LPIN1: variants seen among roughly 807,000 people sequenced by gnomAD.
LPIN1 encodes the protein phosphatidate phosphatase LPIN1.
A neutral mutation model predicts 107.5 loss-of-function variants in LPIN1; 71 were observed. That is an observed-to-expected ratio of 0.66 (90% CI 0.55 to 0.80). The LOEUF (loss-of-function observed/expected upper bound fraction) is 0.80, where lower values mean the gene tolerates loss of function less well. Among genes scored for constraint, LPIN1 ranks in the 30% least tolerant of loss-of-function variants. The pLI, the probability that LPIN1 is intolerant of heterozygous loss-of-function variation, is 0.00. For missense variants in LPIN1, 1,043 were observed against 1,160.6 expected (o/e 0.90, Z 1.47); for synonymous variants, 445 against 452.6 (o/e 0.98, Z 0.21).
intron 1 of LPIN1, among the ~76,000 whole-genome samples, chr2:11,704,706 G>A (rs1663041350): frequency 6.6e-6 from 1 of 152,166 alleles, no homozygotes; most frequent in Non-Finnish European, 1.5e-5. Context: ...CAAGACAAGG[G>A]GGTAAATGTC....
rs545089627 is a variant in LPIN1, at chr2:11,821,372, C to T, written c.2621+858C>T. Among the ~76,000 whole-genome samples, 5 of 152,294 alleles carry T rather than the reference C, an allele frequency of 3.3e-5. No individual in the cohort carries two copies. The East Asian group carries it at 9.6e-4, about 29-fold the overall frequency. On this transcript the variant is annotated intron_variant, in intron 20 of 20. Transcript: ENST00000674199. ...TCTCTCCTAAAAATAGAAAAATTAG[C>T]CAGGTGTGGTGGTGCATGCCTGTAA...
At position 11,771,437 on chromosome 2, in the gene LPIN1, C is replaced by A; in HGVS notation, c.354C>A (p.Cys118Ter). 6.2e-7 allele frequency: 1 copy of A among 1,614,220 alleles called. No individual in the cohort carries two copies. The highest frequency in any genetic ancestry group is 8.5e-7 in the Non-Finnish European group (1 of 1,180,046). ...ILSEGASRME[C>*]QLKRGSVDRM... ...CAGAAGGAGCTTCGAGAATGGAATG[C>A]CAGCTGAAAAGGGGCTCTGTGGACA... Residue 118 changes from cysteine (C) to a stop codon, truncating the protein, a stop_gained, in exon 4 of 21, where the codon TGC becomes TGA. Transcript: ENST00000674199. LOFTEE classifies it high-confidence loss of function. The surrounding 1 kb of genome is among the most constrained non-coding windows in gnomAD (Gnocchi z 4.8).
At chr2:11,699,895 T>A (rs530081398) in intron 1 of LPIN1, among the ~76,000 whole-genome samples, 2 of 152,138 alleles carry the variant, frequency 1.3e-5, no homozygotes, top group Admixed American at 6.5e-5. Context: ...CTGTGTGGCT[T>A]TGGGAAAATT....
intron 6 of LPIN1, among the ~76,000 whole-genome samples, chr2:11,776,723 C>A (rs557935694): frequency 1.7e-3 from 258 of 152,298 alleles, no homozygotes; most frequent in African/African-American, 5.9e-3. Flanking sequence ...ATGGCCTGGG[C>A]TGGGTCTCAG....
At chr2:11,743,574 G>A (rs1666582349), upstream of LPIN1, among the ~76,000 whole-genome samples, 1 of 152,124 alleles carries the variant, frequency 6.6e-6, no homozygotes, top group Non-Finnish European at 1.5e-5. The surrounding 1 kb of genome is among the most constrained non-coding windows in gnomAD (Gnocchi z 4.7). Flanking sequence ...ACCTCGTGAG[G>A]GGCCCCCAAC....
At chr2:11,700,748 CAG>C (rs879495521) in intron 1 of LPIN1, among the ~76,000 whole-genome samples, 1 of 152,170 alleles carries the variant, frequency 6.6e-6, no homozygotes, top group Admixed American at 6.5e-5. Context: ...TCCCCCTGGG[CAG>C]AGAGAGAGGC....
At chr2:11,812,515 G>A (rs899166617) in intron 17 of LPIN1, among the ~76,000 whole-genome samples, 16 of 152,154 alleles carry the variant, frequency 1.1e-4, no homozygotes, top group Admixed American at 2.0e-4. Flanking sequence ...GAGGGTACAA[G>A]CAGTCCCTGC....
rs745398954 is a variant in LPIN1 at position 11,804,496 on chromosome 2, G to T, written c.2087G>T (p.Arg696Leu). 1.9e-6 allele frequency: 3 copies of T among 1,614,102 alleles called. 1 individual carries two copies. Among genetic ancestry groups the T allele is most frequent in the Non-Finnish European group, 2.5e-6 (3 of 1,179,970 alleles). ...SVTTQYQGTCRCEGTIYLWNW... is the reference protein window; with the variant it reads ...SVTTQYQGTCLCEGTIYLWNW... ...ACCACGCAGTACCAAGGCACGTGCCGCTGTGAGGGCACCATCTATCTGTGG... is the reference window on the plus strand; with the variant it reads ...ACCACGCAGTACCAAGGCACGTGCCTCTGTGAGGGCACCATCTATCTGTGG... The change falls in exon 16 of 21, where the codon CGC becomes CTC. Residue 696 changes from arginine (R) to leucine (L), a missense_variant. Arg to Leu is a moderately radical substitution (Grantham distance 102). Transcript: ENST00000674199.
chr2:11,750,188 A>T lies in LPIN1; in HGVS notation c.-10+3517A>T, dbSNP rs564771993. ...TTTGATGAAGTCGTCCTCCGCGTTC[A>T]TGGATCTCACTAGGCTGTAGGTCTT... On this transcript the variant is annotated intron_variant, in intron 1 of 20. Coordinates refer to ENST00000674199, the MANE Select transcript of LPIN1 (RefSeq NM_001349206.2). 2.0e-5 allele frequency among the ~76,000 whole-genome samples: 3 copies of T among 152,076 alleles called. No individual in the cohort carries two copies. The South Asian group carries it at 6.2e-4, about 32-fold the overall frequency.
At chr2:11,782,565 A>G in intron 8 of LPIN1, 58 bp downstream of exon 8, 1 of 1,595,212 alleles carries the variant, frequency 6.3e-7, no homozygotes. Context: ...CTCACTCTAC[A>G]CATGACAGGT....
intron 1 of LPIN1, among the ~76,000 whole-genome samples, chr2:11,750,343 C>A (rs776299676): frequency 2.0e-5 from 3 of 152,206 alleles, no homozygotes; most frequent in Non-Finnish European, 4.4e-5. Flanking sequence ...CAGAATGCCA[C>A]CAGTCTCGGG....
intron 1 of LPIN1, among the ~76,000 whole-genome samples, chr2:11,704,087 C>G (rs1449497506): frequency 6.6e-6 from 1 of 152,224 alleles, no homozygotes; most frequent in African/African-American, 2.4e-5. Context: ...GACCTCTTAC[C>G]TGGTAGCTGG....
chr2:11,746,880 G>C (rs1667029352), intron 1 of LPIN1, among the ~76,000 whole-genome samples: 1 of 152,174 alleles, frequency 6.6e-6, no homozygotes, highest in Admixed American at 6.5e-5. Context: ...AGGCCCCGGA[G>C]GCCGGGAGGG....
At chr2:11,790,858 A>G (rs1170646684) in intron 12 of LPIN1, among the ~76,000 whole-genome samples, 1 of 151,726 alleles carries the variant, frequency 6.6e-6, no homozygotes, top group Non-Finnish European at 1.5e-5. Context: ...TCTACTTACT[A>G]CTCTTCTGCC....
chr2:11,699,938 T>TA (rs543512076), intron 1 of LPIN1, among the ~76,000 whole-genome samples: 2,798 of 149,164 alleles, frequency 0.019, 35 homozygotes, highest in Middle Eastern at 0.083. Context: ...TTTCTTCAAT[T>TA]AAAAAAAAAA....
intron 1 of LPIN1, among the ~76,000 whole-genome samples, chr2:11,761,828 A>G (rs1669880451): frequency 6.6e-6 from 1 of 152,190 alleles, no homozygotes; most frequent in African/African-American, 2.4e-5. Flanking sequence ...ATAAAAGAAC[A>G]AACAAACCAT....
intron 3 of LPIN1, among the ~76,000 whole-genome samples, chr2:11,768,304 A>G (rs1050853638): frequency 2.6e-5 from 4 of 152,212 alleles, no homozygotes; most frequent in Non-Finnish European, 4.4e-5. Context: ...GTTTTAGTAT[A>G]TTTACAGATA....
intron 20 of LPIN1, among the ~76,000 whole-genome samples, chr2:11,821,636 C>T (rs1404140089): frequency 6.6e-6 from 1 of 152,190 alleles, no homozygotes; most frequent in Non-Finnish European, 1.5e-5. Context: ...TGGTTTTCTC[C>T]ATGTAGCTTC....
In LPIN1 at chr2:11,700,937, G is replaced by A. The variant is rs527735591; in HGVS notation, c.82-12819G>A. 3.9e-5 allele frequency among the ~76,000 whole-genome samples: 6 copies of A among 152,242 alleles called. No individual in the cohort carries two copies. The South Asian group carries it at 8.3e-4, about 21-fold the overall frequency. On this transcript the variant is annotated intron_variant, in intron 1 of 21. Coordinates refer to the LPIN1 transcript ENST00000449576. ...TGGGTCCTTTGTCACTGTCCTGGGC[G>A]GGATACCTCAGTGGAGCCCTCAGTT...
Sources: allele counts gnomAD v4.1 joint callset (sites outside exome capture counted in the v4.1 genomes callset), GRCh38; gene constraint gnomAD v4.1.1; non-coding constraint Gnocchi (gnomAD v3.1); transcripts MANE v1.5; gene names NCBI Gene and HGNC (gene_info 2026-07-23, HGNC 2026-07-21).